RSF1: variants seen among roughly 807,000 people sequenced by gnomAD.
The protein encoded by RSF1 is HBV pX-associated protein 8.
Under a neutral mutation model 145.2 loss-of-function variants are expected in RSF1, and 13 were observed. The observed-to-expected ratio is 0.09, with a 90% confidence interval of 0.06 to 0.14. The LOEUF is 0.14. Among genes scored for constraint, RSF1 ranks in the 10% least tolerant of loss-of-function variants. RSF1 has a pLI of 1.00. For synonymous variants in RSF1, 577 were observed against 592.6 expected (o/e 0.97, Z 0.38); for missense variants, 1,517 against 1,718.2 (o/e 0.88, Z 2.07).
At chr11:77,807,951 G>C (rs991641819) in intron 1 of RSF1, among the ~76,000 whole-genome samples, 1 of 152,176 alleles carries the variant, frequency 6.6e-6, no homozygotes, top group Non-Finnish European at 1.5e-5. Context: ...CACAAAACTT[G>C]TATAGGTACA....
chr11:77,672,565 C>CT (rs1482415503), intron 14 of RSF1, among the ~76,000 whole-genome samples: 2 of 147,278 alleles, frequency 1.4e-5, no homozygotes, highest in African/African-American at 5.2e-5. Context: ...CATGCCTGGC[C>CT]TTTAAGTCTC....
chr11:77,706,995 T>C (rs1255316709), intron 5 of RSF1, among the ~76,000 whole-genome samples: 1 of 152,214 alleles, frequency 6.6e-6, no homozygotes, highest in Non-Finnish European at 1.5e-5. Context: ...CTTACCTTCC[T>C]CAAGCCCAGT....
At chr11:77,783,179 T>C (rs1948421230) in intron 1 of RSF1, among the ~76,000 whole-genome samples, 1 of 152,208 alleles carries the variant, frequency 6.6e-6, no homozygotes, top group South Asian at 2.1e-4. Context: ...TTTTTACCCT[T>C]ACATTATATT....
At chr11:77,808,354 A>C (rs113541926) in intron 1 of RSF1, among the ~76,000 whole-genome samples, 257 of 2,032 alleles carry the variant, frequency 0.13, 1 homozygote, top group African/African-American at 0.29. Context: ...AACAAACAAA[A>C]ACACAACAAC....
In RSF1 at chr11:77,714,660, G is replaced by C. The variant is rs144467624; in HGVS notation, c.733+10885C>G. On this transcript the variant is annotated intron_variant, in intron 5 of 15. Transcript: ENST00000308488. ...AGTTTGAGACCAGCCTGGGCAACAT[G>C]GTGAAACCTTGTCTCTACAGAAAAT... is the stretch of plus-strand genomic sequence containing the variant. 8.7e-3 allele frequency among the ~76,000 whole-genome samples: 1,321 copies of C among 152,198 alleles called. 20 individuals carry two copies. Among genetic ancestry groups the C allele is most frequent in the African/African-American group, 0.029 (1,206 of 41,508 alleles).
intron 1 of RSF1, among the ~76,000 whole-genome samples, chr11:77,783,543 T>C (rs1255944986): frequency 1.3e-5 from 2 of 152,162 alleles, no homozygotes; most frequent in Admixed American, 6.6e-5. Context: ...TTTAGTACTT[T>C]TGTAACATCC....
intron 2 of RSF1, among the ~76,000 whole-genome samples, chr11:77,750,274 A>G (rs147884223): frequency 7.2e-5 from 11 of 152,190 alleles, no homozygotes; most frequent in Non-Finnish European, 1.3e-4. Flanking sequence ...TTTTTCCTCA[A>G]GGCCCAAACA....
chr11:77,839,302 G>T, the RSF1 span, among the ~76,000 whole-genome samples: 3 of 152,036 alleles, frequency 2.0e-5, no homozygotes, highest in Non-Finnish European at 2.9e-5. Context: ...AACACACTTG[G>T]CTTTTTTTTG....
intron 7 of RSF1, among the ~76,000 whole-genome samples, chr11:77,696,004 C>A (rs1027788411): frequency 1.3e-5 from 2 of 152,114 alleles, no homozygotes; most frequent in Admixed American, 1.3e-4. Flanking sequence ...AGGAGGCACA[C>A]CATTACAATG....
At chr11:77,868,037 G>A in the RSF1 span, among the ~76,000 whole-genome samples, 1 of 148,540 alleles carries the variant, frequency 6.7e-6, no homozygotes, top group Non-Finnish European at 1.5e-5. Context: ...TGTTCTTCTA[G>A]TCTTTTTCTT....
At chr11:77,797,006 G>A (rs1948578786) in intron 1 of RSF1, among the ~76,000 whole-genome samples, 1 of 152,130 alleles carries the variant, frequency 6.6e-6, no homozygotes. Flanking sequence ...AAGGCAATAA[G>A]AGAGGACACA....
At chr11:77,767,449 C>T (rs1948237381) in intron 1 of RSF1, among the ~76,000 whole-genome samples, 11 of 152,146 alleles carry the variant, frequency 7.2e-5, no homozygotes, top group Admixed American at 7.2e-4. Context: ...TACATAAACC[C>T]AGCCAGATTT....
intron 1 of RSF1, among the ~76,000 whole-genome samples, chr11:77,793,067 A>T (rs1180906736): frequency 6.6e-6 from 1 of 152,224 alleles, no homozygotes; most frequent in African/African-American, 2.4e-5. Context: ...AGAAAGAAAT[A>T]CATACAACAA....
intron 14 of RSF1, among the ~76,000 whole-genome samples, chr11:77,673,722 ATTAC>A (rs1176135247): frequency 6.6e-6 from 1 of 152,218 alleles, no homozygotes. Flanking sequence ...ATTCCCACAA[ATTAC>A]TTATTAATTA....
At chr11:77,816,253 T>C (rs2135992915) in intron 1 of RSF1, among the ~76,000 whole-genome samples, 1 of 152,342 alleles carries the variant, frequency 6.6e-6, no homozygotes, top group East Asian at 1.9e-4. Flanking sequence ...CAACCTCTAG[T>C]ACATGCACCT....
intron 5 of RSF1, among the ~76,000 whole-genome samples, chr11:77,721,178 C>A (rs1328649729): frequency 1.3e-5 from 2 of 152,164 alleles, no homozygotes; most frequent in Admixed American, 1.3e-4. Flanking sequence ...TTGCAAATAT[C>A]TAACCATGCT....
the RSF1 span, among the ~76,000 whole-genome samples, chr11:77,839,970 C>T: frequency 5.9e-5 from 9 of 152,022 alleles, no homozygotes; most frequent in East Asian, 3.9e-4. Flanking sequence ...TATCCTGGAA[C>T]GTAAAAAAGA....
intron 5 of RSF1, among the ~76,000 whole-genome samples, chr11:77,704,449 G>T (rs1402859187): frequency 6.6e-6 from 1 of 152,168 alleles, no homozygotes; most frequent in Non-Finnish European, 1.5e-5. Context: ...CTGATCCAAC[G>T]TAAAATTAAG....
chr11:77,683,555 G>A (rs7925289), intron 11 of RSF1, among the ~76,000 whole-genome samples, 155 bp downstream of exon 11: 60,357 of 150,440 alleles, frequency 0.4, 12,633 homozygotes, highest in African/African-American at 0.52. Context: ...AAAAGAAAAA[G>A]GAAAAAAAAA....
Sources: allele counts gnomAD v4.1 joint callset (sites outside exome capture counted in the v4.1 genomes callset), GRCh38; gene constraint gnomAD v4.1.1; transcripts MANE v1.5; gene names NCBI Gene and HGNC (gene_info 2026-07-23, HGNC 2026-07-21).